TENM4: variants seen among roughly 807,000 people sequenced by gnomAD.
TENM4 encodes the protein teneurin transmembrane protein 4, also known as teneurin-4.
In TENM4, 82 loss-of-function variants were observed where a neutral mutation model predicts 243.3. The ratio of observed to expected loss-of-function variants is 0.34; its 90% CI spans 0.28 to 0.40. TENM4 has a LOEUF of 0.40. Among genes scored for constraint, TENM4 ranks in the 10% least tolerant of loss-of-function variants. TENM4 has a pLI of 1.00. For missense variants in TENM4, 3,138 were observed against 3,673.3 expected, an observed-to-expected ratio of 0.85 and a Z score of 3.77; for synonymous variants, 1,412 against 1,456.3, an observed-to-expected ratio of 0.97 and a Z score of 0.69.
At chr11:79,154,543 C>A (rs183281736) in intron 3 of TENM4, among the ~76,000 whole-genome samples, 3 of 152,240 alleles carry the variant, frequency 2.0e-5, no homozygotes, top group East Asian at 1.9e-4. Context: ...TGTCCCCTGA[C>A]CCCCTGCTGA....
At chr11:78,958,540 TCTC>T (rs1857254108) in intron 6 of TENM4, among the ~76,000 whole-genome samples, 1 of 152,222 alleles carries the variant, frequency 6.6e-6, no homozygotes, top group Non-Finnish European at 1.5e-5. Flanking sequence ...CCTGTTTTCT[TCTC>T]CACAGGGACA....
intron 3 of TENM4, chr11:79,191,855 C>T (rs192524714): frequency 0.026 from 4,824 of 184,752 alleles, 100 homozygotes; most frequent in Non-Finnish European, 0.037. Context: ...GCCTGGCAAC[C>T]GCCCCGTCTG....
intron 2 of TENM4, among the ~76,000 whole-genome samples, chr11:79,232,226 C>A (rs573202610): frequency 2.4e-4 from 37 of 152,328 alleles, no homozygotes; most frequent in African/African-American, 8.2e-4. Flanking sequence ...GTCATGCTTT[C>A]TGTGGAGTCA....
chr11:78,996,903 GT>G (rs1301383192), intron 6 of TENM4, among the ~76,000 whole-genome samples: 2 of 152,176 alleles, frequency 1.3e-5, no homozygotes, highest in Non-Finnish European at 2.9e-5. Context: ...GTGGCTTGTA[GT>G]CAGAGAGAAT....
chr11:79,011,762 A>C (rs1565166444), intron 6 of TENM4, among the ~76,000 whole-genome samples: 1 of 152,222 alleles, frequency 6.6e-6, no homozygotes, highest in Non-Finnish European at 1.5e-5. Flanking sequence ...ATTTAGAGGA[A>C]TATTACAACT....
At chr11:79,180,865 A>T (rs1453647765) in intron 3 of TENM4, among the ~76,000 whole-genome samples, 1 of 150,542 alleles carries the variant, frequency 6.6e-6, no homozygotes, top group Non-Finnish European at 1.5e-5. Context: ...ATATATACAC[A>T]CACATATATA....
intron 19 of TENM4, among the ~76,000 whole-genome samples, chr11:78,745,227 C>CTTTT (rs1783943): frequency 7.8e-6 from 1 of 128,062 alleles, no homozygotes; most frequent in Non-Finnish European, 1.7e-5. Flanking sequence ...TTTTCTTTTT[C>CTTTT]TTTTTTTTTT....
At chr11:79,057,646 G>T (rs1859975636) in intron 6 of TENM4, among the ~76,000 whole-genome samples, 1 of 152,170 alleles carries the variant, frequency 6.6e-6, no homozygotes, top group Non-Finnish European at 1.5e-5. Flanking sequence ...GTATCTCCAT[G>T]AGAGGGGGCA....
In TENM4 at chr11:79,429,489, C is replaced by G. The variant is rs544002032; in HGVS notation, c.-321+11020G>C. On this transcript the variant is annotated intron_variant, in intron 1 of 33. Coordinates refer to ENST00000278550, the MANE Select transcript of TENM4 (RefSeq NM_001098816.3). Reference sequence around the variant, plus strand: ...TCACATAGACAGTGATTATCAGGCACTACCCAAGCTACTTCGTGAATCCCA... The same window carrying G: ...TCACATAGACAGTGATTATCAGGCAGTACCCAAGCTACTTCGTGAATCCCA... 1.1e-4 allele frequency among the ~76,000 whole-genome samples: 17 copies of G among 152,162 alleles called. No individual in the cohort carries two copies. The East Asian group carries it at 3.3e-3, about 30-fold the overall frequency.
chr11:79,309,975 A>G (rs891074404), intron 1 of TENM4, among the ~76,000 whole-genome samples: 2 of 152,106 alleles, frequency 1.3e-5, no homozygotes, highest in African/African-American at 4.8e-5. Context: ...TGACCCTTCC[A>G]GGCAGGGCTG....
chr11:79,338,986 T>C (rs75518958), intron 1 of TENM4, among the ~76,000 whole-genome samples: 6,598 of 152,270 alleles, frequency 0.043, 456 homozygotes, highest in African/African-American at 0.15. Context: ...GGCCGAGCCT[T>C]GAAGCGGGAG....
At chr11:78,959,374 C>A (rs1449734648) in intron 6 of TENM4, among the ~76,000 whole-genome samples, 1 of 152,114 alleles carries the variant, frequency 6.6e-6, no homozygotes, top group African/African-American at 2.4e-5. Context: ...AAATTAAAAA[C>A]CATAAAAGCA....
At chr11:78,974,882 G>C (rs1021330423) in intron 6 of TENM4, among the ~76,000 whole-genome samples, 1 of 151,494 alleles carries the variant, frequency 6.6e-6, no homozygotes, top group African/African-American at 2.4e-5. Context: ...ACTGGGTTTT[G>C]CCATTTTGGC....
chr11:79,356,100 C>A lies in TENM4; in HGVS notation c.-320-58557G>T, dbSNP rs1401497712. Among the ~76,000 whole-genome samples, 3 of 152,176 alleles carry A rather than the reference C, an allele frequency of 2.0e-5. No homozygotes were observed. The South Asian group carries it at 6.2e-4, about 32-fold the overall frequency. On this transcript the variant is annotated intron_variant, in intron 1 of 33. Transcript: ENST00000278550. ...TCAGTGGTCAGGATGATGACCATCA[C>A]CTGGGCAAGATGAATGCAAGGTGTA...
Position 78,787,043 on chromosome 11 carries a change from T to C in TENM4, c.2220A>G (p.Val740=). The change falls in exon 16 of 34, where the codon GTA becomes GTG. Residue 740 remains valine (V), a synonymous_variant. Coordinates refer to ENST00000278550, the MANE Select transcript of TENM4 (RefSeq NM_001098816.3). ...CATCCTCGCAGCGGCAGGTGCCCCC[T>C]ACGCACACGCCATGGCCACCACAGT... The part of the protein sequence containing the change: ...AADCGGHGVC[V]GGTCRCEDGW... 2 of 1,552,644 alleles carry C rather than the reference T, an allele frequency of 1.3e-6. No individual in the cohort carries two copies. Among genetic ancestry groups the C allele is most frequent in the Non-Finnish European group, 1.7e-6 (2 of 1,147,890 alleles).
intron 7 of TENM4, among the ~76,000 whole-genome samples, chr11:78,898,645 T>C (rs11237652): frequency 0.021 from 3,135 of 152,240 alleles, 115 homozygotes; most frequent in African/African-American, 0.072. Flanking sequence ...AAGCCTTCCT[T>C]TCTCCCCACT....
Position 79,029,460 on chromosome 11 carries a change from T to C in TENM4, c.493+35278A>G, listed in dbSNP as rs550966636. On this transcript the variant is annotated intron_variant, in intron 6 of 33. Transcript: ENST00000278550. ...AATTTCTTTGTGTCTGAGGGCAGTGTATGGCTGGTTTAGTTTCTCCTGTGT... is the reference window on the plus strand; with the variant it reads ...AATTTCTTTGTGTCTGAGGGCAGTGCATGGCTGGTTTAGTTTCTCCTGTGT... 2.9e-4 allele frequency among the ~76,000 whole-genome samples: 44 copies of C among 152,334 alleles called. No homozygotes were observed. In the South Asian group the frequency reaches 9.1e-3, roughly 32 times the overall value.
intron 6 of TENM4, among the ~76,000 whole-genome samples, chr11:79,054,648 T>A (rs1859895159): frequency 6.6e-6 from 1 of 152,098 alleles, no homozygotes. Flanking sequence ...CCATCATCCT[T>A]GGCTATTTTT....
Position 78,702,057 on chromosome 11 carries a change from G to C in TENM4, c.4556C>G (p.Ala1519Gly). 6.2e-7 allele frequency: 1 copy of C among 1,613,690 alleles called. No individual in the cohort carries two copies. The highest frequency in any genetic ancestry group is 8.5e-7 in the Non-Finnish European group (1 of 1,179,696). ...APSGCDCKNDANCDCFSGDDG... is the reference protein window; with the variant it reads ...APSGCDCKNDGNCDCFSGDDG... ...GTCTCCAGAAAAACAATCACAGTTG[G>C]CATCATTTTTACAGTCACAGCCACT... Residue 1519 changes from alanine to glycine, a missense_variant, in exon 28 of 34, where the codon GCC (alanine) becomes GGC (glycine). Physicochemically the swap from Ala to Gly is moderately conservative, Grantham distance 60. Around this residue, in one of 2 missense-constraint regions of TENM4, gnomAD observed 2,467 missense variants for 3,059.1 expected, o/e 0.81. Transcript: ENST00000278550.
Sources: gnomAD v4.1 joint callset for allele counts (sites outside exome capture counted in the v4.1 genomes callset) on GRCh38, gnomAD v4.1.1 for gene constraint, gnomAD v4.1.1 regional missense constraint, MANE v1.5 for transcripts, NCBI Gene and HGNC (gene_info 2026-07-23, HGNC 2026-07-21) for gene names.